Variants in DMD observed in about 807,000 individuals in gnomAD.
DMD encodes the protein mutant dystrophin.
DMD carries 63 observed loss-of-function variants against 330.1 expected under a neutral mutation model. That is an observed-to-expected ratio of 0.19 (90% CI 0.16 to 0.24). DMD has a LOEUF of 0.24. Among genes scored for constraint, DMD ranks in the 10% least tolerant of loss-of-function variants. The probability of loss-of-function intolerance (pLI) is 1.00; values close to 1 mark genes in which losing one functional copy is unlikely to be tolerated. For missense variants in DMD, 3,344 were observed against 2,684.1 expected (o/e 1.25, Z -5.43); for synonymous variants, 1,223 against 959.8 (o/e 1.27, Z -5.07).
intron 41 of DMD, among the ~76,000 whole-genome samples, chrX:32,341,759 T>C (rs2097744142): frequency 8.9e-6 from 1 of 111,906 alleles, no homozygotes; most frequent in Non-Finnish European, 1.9e-5. Context: ...GCAATACATA[T>C]TTTTTGGATT....
At chrX:31,389,147 T>G (rs753481924) in intron 60 of DMD, among the ~76,000 whole-genome samples, 57 of 112,251 alleles carry the variant, frequency 5.1e-4, no homozygotes, top group Non-Finnish European at 1.0e-3. Context: ...CTTGAGATGC[T>G]CCAGCTGACT....
At chrX:31,166,419 A>C (rs1045473272) in intron 74 of DMD, among the ~76,000 whole-genome samples, 1 of 111,675 alleles carries the variant, frequency 9.0e-6, no homozygotes, top group African/African-American at 3.3e-5. Flanking sequence ...AAAGGAACAT[A>C]AAATATATAT....
At chrX:32,196,761 A>G (rs530354155) in intron 44 of DMD, among the ~76,000 whole-genome samples, 146 of 110,370 alleles carry the variant, frequency 1.3e-3, no homozygotes, top group East Asian at 5.7e-3. Flanking sequence ...CAAGGTGGGC[A>G]GATCACGAGG....
Position 31,542,187 on chromosome X carries a change from G to A in DMD, c.8218-34734C>T, listed in dbSNP as rs550886299. Among the ~76,000 whole-genome samples the A allele has an allele frequency of 5.5e-4, 62 of 111,884 alleles. 1 individual carries two copies. In the South Asian group the frequency reaches 0.023, roughly 42 times the overall value. On this transcript the variant is annotated intron_variant, in intron 55 of 78. Coordinates refer to ENST00000357033, the MANE Select transcript of DMD (RefSeq NM_004006.3). The stretch of plus-strand genomic sequence containing the variant: ...TATAGAGGAATGCAAAGGACGCTAT[G>A]GGGACATAGATGAGTAGCAATTAAA...
intron 62 of DMD, among the ~76,000 whole-genome samples, chrX:31,282,208 G>A (rs967388516): frequency 1.8e-5 from 2 of 111,843 alleles, no homozygotes; most frequent in African/African-American, 6.5e-5. Flanking sequence ...CTATATTTTT[G>A]CAGATTTTAA....
chrX:32,754,204 GTTAAAC>G (rs1234862383), intron 7 of DMD, among the ~76,000 whole-genome samples: 2 of 111,013 alleles, frequency 1.8e-5, no homozygotes, highest in African/African-American at 3.3e-5. Flanking sequence ...ATACATACAT[GTTAAAC>G]TTAAATATTT....
At chrX:31,304,967 G>A (rs1192695382) in intron 62 of DMD, among the ~76,000 whole-genome samples, 1 of 111,741 alleles carries the variant, frequency 8.9e-6, no homozygotes. Flanking sequence ...ACACGGAAGA[G>A]TAGCTATCTA....
In DMD at chrX:31,121,943, GAGAA is replaced by G. The variant is rs757261855; in HGVS notation, c.11047-17_11047-14del. On this transcript the variant is annotated splice_polypyrimidine_tract_variant and intron_variant, in intron 78 of 78. Transcript: ENST00000357033. ...CCTACATTGTGTCCTGGAAAACAAAGAGAAAGAAAGACAGACTTTACAAAAGGTG... is the reference window on the plus strand; with the variant it reads ...CCTACATTGTGTCCTGGAAAACAAAGAGAAAGACAGACTTTACAAAAGGTG... 6.1e-6 allele frequency: 7 copies of G among 1,143,655 alleles called. No homozygotes were observed. In the Admixed American group the frequency reaches 8.7e-5, roughly 14 times the overall value. The allele number at this position is 1,143,655 out of a possible 1,213,427, so 94.3% of individuals were successfully genotyped here.
intron 18 of DMD, among the ~76,000 whole-genome samples, chrX:32,506,248 C>G (rs773162349): frequency 3.6e-5 from 4 of 110,159 alleles, no homozygotes; most frequent in Non-Finnish European, 7.6e-5. Context: ...GAAATGTTGA[C>G]AGTGGGGCAG....
intron 12 of DMD, among the ~76,000 whole-genome samples, chrX:32,607,573 G>C (rs1222529799): frequency 9.1e-6 from 1 of 110,049 alleles, no homozygotes; most frequent in East Asian, 2.9e-4. Flanking sequence ...GTTCATAACA[G>C]AAATATTAAA....
intron 2 of DMD, among the ~76,000 whole-genome samples, chrX:32,860,459 C>T (rs954560162): frequency 8.9e-6 from 1 of 111,781 alleles, no homozygotes. Context: ...CCAAAAATAT[C>T]GCAAATACCA....
chrX:33,032,286 G>C (rs1038300540), intron 1 of DMD, among the ~76,000 whole-genome samples: 4 of 112,325 alleles, frequency 3.6e-5, no homozygotes, highest in African/African-American at 9.7e-5. Context: ...CCTAAAAGGA[G>C]AGATGCATAG....
At chrX:33,113,313 G>A (rs1056757227) in intron 1 of DMD, among the ~76,000 whole-genome samples, 7 of 110,649 alleles carry the variant, frequency 6.3e-5, no homozygotes, top group African/African-American at 1.6e-4. Context: ...CGCCTCAGCC[G>A]CCCAAAGTGC....
intron 60 of DMD, among the ~76,000 whole-genome samples, chrX:31,397,103 T>C (rs963435736): frequency 8.0e-5 from 9 of 112,199 alleles, no homozygotes; most frequent in African/African-American, 2.6e-4. Flanking sequence ...GGGGCTCCTT[T>C]ATTTGCAACA....
At chrX:33,158,319 G>A (rs1365114167) in intron 1 of DMD, among the ~76,000 whole-genome samples, 1 of 111,678 alleles carries the variant, frequency 9.0e-6, no homozygotes, top group South Asian at 3.7e-4. Context: ...GGGATTGAGA[G>A]AGTGTCTTAA....
chrX:31,953,057 G>A (rs6631439), intron 45 of DMD, among the ~76,000 whole-genome samples: 42,415 of 111,331 alleles, frequency 0.38, 7,325 homozygotes, highest in African/African-American at 0.68. Context: ...AGACTTCCAA[G>A]TTTTGCTAAA....
chrX:32,244,891 T>C (rs1307869997), intron 43 of DMD, among the ~76,000 whole-genome samples: 2 of 73,351 alleles, frequency 2.7e-5, no homozygotes, highest in Admixed American at 3.6e-4. Flanking sequence ...GTTGCGAAAA[T>C]TTTCTCCCAT....
chrX:31,822,458 T>C (rs961738979), intron 49 of DMD, among the ~76,000 whole-genome samples: 5 of 111,925 alleles, frequency 4.5e-5, no homozygotes, highest in Admixed American at 9.5e-5. Context: ...TGTGGGACTA[T>C]TACATTCTCT....
At chrX:31,981,214 C>T (rs2095474114) in intron 44 of DMD, among the ~76,000 whole-genome samples, 1 of 111,486 alleles carries the variant, frequency 9.0e-6, no homozygotes, top group African/African-American at 3.3e-5. Flanking sequence ...CAGGAACACA[C>T]GTGTGTATGT....
Sources: gnomAD v4.1 joint callset for allele counts (sites outside exome capture counted in the v4.1 genomes callset) on GRCh38, gnomAD v4.1.1 for gene constraint, MANE v1.5 for transcripts, NCBI Gene and HGNC (gene_info 2026-07-23, HGNC 2026-07-21) for gene names.